The following SVIL variants were observed in gnomAD, a reference collection of about 807,000 sequenced individuals.
SVIL encodes the protein supervillin.
In SVIL, 101 loss-of-function variants were observed where a neutral mutation model predicts 240.4. The observed-to-expected ratio is 0.42, with a 90% CI of 0.36 to 0.50. The LOEUF (loss-of-function observed/expected upper bound fraction) is 0.50, where lower values mean the gene tolerates loss of function less well. Ranked by LOEUF, SVIL falls within the 20% of genes least tolerant of loss-of-function variation. SVIL has a pLI of 0.01. For synonymous variants in SVIL, 999 were observed against 1,100.0 expected (o/e 0.91, Z 1.82); for missense variants, 2,512 against 2,818.7 (o/e 0.89, Z 2.46).
chr10:29,699,696 T>C (rs1235118676), intron 1 of SVIL, among the ~76,000 whole-genome samples: 1 of 152,204 alleles, frequency 6.6e-6, no homozygotes, highest in Non-Finnish European at 1.5e-5. Flanking sequence ...TCTGCTCAAT[T>C]CTTTACTGAG....
intron 3 of SVIL, 101 bp from the exon 4 acceptor site, chr10:29,555,209 T>C: frequency 8.6e-7 from 1 of 1,156,316 alleles, no homozygotes; most frequent in East Asian, 2.6e-5. Flanking sequence ...ATTTCAGTTC[T>C]TGATTCCTAT....
Position 29,619,926 on chromosome 10 carries a change from C to T in SVIL, c.-201+14494G>A, listed in dbSNP as rs1300654627. 2.6e-5 allele frequency among the ~76,000 whole-genome samples: 4 copies of T among 152,114 alleles called. No individual in the cohort carries two copies. The South Asian group carries it at 8.3e-4, about 32-fold the overall frequency. ...TGTTACGCATACATAGGTACACATA[C>T]ATGTATAATACATACATACACAAAG... On this transcript the variant is annotated intron_variant, in intron 1 of 37. Coordinates refer to ENST00000355867, the MANE Select transcript of SVIL (RefSeq NM_021738.3).
intron 2 of SVIL, among the ~76,000 whole-genome samples, chr10:29,673,610 G>A (rs1012109060): frequency 6.9e-6 from 1 of 145,736 alleles, no homozygotes; most frequent in Non-Finnish European, 1.5e-5. Flanking sequence ...AGAGAGCTAG[G>A]GGGGAACTGC....
intron 1 of SVIL, among the ~76,000 whole-genome samples, chr10:29,715,407 G>A (rs1183700778): frequency 6.6e-6 from 1 of 152,204 alleles, no homozygotes; most frequent in Non-Finnish European, 1.5e-5. Context: ...TGATTGGTGT[G>A]AAAATGAAAC....
chr10:29,624,187 T>C (rs894552895), intron 1 of SVIL, among the ~76,000 whole-genome samples: 6 of 138,686 alleles, frequency 4.3e-5, no homozygotes, highest in Admixed American at 1.5e-4. Flanking sequence ...AAAAAACCCC[T>C]AGCATTTTCC....
intron 1 of SVIL, among the ~76,000 whole-genome samples, chr10:29,632,640 C>T (rs1432448326): frequency 6.6e-6 from 1 of 152,166 alleles, no homozygotes; most frequent in Non-Finnish European, 1.5e-5. Flanking sequence ...AGATAAAGAA[C>T]TGTTTGTTGA....
chr10:29,466,297 T>G (rs765235591), intron 33 of SVIL, among the ~76,000 whole-genome samples: 7 of 151,992 alleles, frequency 4.6e-5, no homozygotes, highest in Non-Finnish European at 8.8e-5. Flanking sequence ...TGTATATAAA[T>G]ATACATCTAT....
chr10:29,574,640 G>A (rs1955606796), intron 1 of SVIL, among the ~76,000 whole-genome samples: 1 of 152,142 alleles, frequency 6.6e-6, no homozygotes, highest in South Asian at 2.1e-4. Flanking sequence ...GAAGTGCCAG[G>A]CTGAAAATCC....
intron 1 of SVIL, among the ~76,000 whole-genome samples, chr10:29,578,409 T>G (rs12412955): frequency 0.12 from 18,710 of 152,188 alleles, 1,268 homozygotes; most frequent in Non-Finnish European, 0.15. Context: ...ATGGCGCCTA[T>G]GGCTCAAAAT....
intron 1 of SVIL, among the ~76,000 whole-genome samples, chr10:29,631,656 T>A (rs1205912667): frequency 6.6e-6 from 1 of 152,194 alleles, no homozygotes; most frequent in Non-Finnish European, 1.5e-5. Context: ...ACACCTGTAA[T>A]CCCAGCTACT....
chr10:29,480,966 G>C (rs1946764572), intron 28 of SVIL, among the ~76,000 whole-genome samples, 153 bp from the exon 29 acceptor site: 1 of 152,204 alleles, frequency 6.6e-6, no homozygotes, highest in South Asian at 2.1e-4. Context: ...GGGAAAGGCT[G>C]CATTTCCAGA....
intron 17 of SVIL, among the ~76,000 whole-genome samples, chr10:29,506,455 G>A (rs939564953): frequency 1.3e-5 from 2 of 152,042 alleles, no homozygotes; most frequent in South Asian, 2.1e-4. Context: ...AGATGACTAC[G>A]GGAGGACCCC....
chr10:29,614,528 G>A (rs537806597), intron 1 of SVIL, among the ~76,000 whole-genome samples: 252 of 152,240 alleles, frequency 1.7e-3, no homozygotes, highest in African/African-American at 5.8e-3. Context: ...GGATGAAGCT[G>A]GAAACCATCA....
At chr10:29,566,383 C>T (rs1308231519) in intron 2 of SVIL, among the ~76,000 whole-genome samples, 2 of 152,182 alleles carry the variant, frequency 1.3e-5, no homozygotes, top group South Asian at 2.1e-4. Flanking sequence ...CCCCTGCTCC[C>T]GCTAAATGAC....
At chr10:29,636,158 G>T (rs1958305155), upstream of SVIL, among the ~76,000 whole-genome samples, 1 of 150,578 alleles carries the variant, frequency 6.6e-6, no homozygotes, top group South Asian at 2.1e-4. Flanking sequence ...TTCATAGCAT[G>T]GCTTTTGCAT....
At chr10:29,479,310 C>T (rs903463825) in intron 29 of SVIL, among the ~76,000 whole-genome samples, 2 of 152,244 alleles carry the variant, frequency 1.3e-5, no homozygotes, top group Admixed American at 1.3e-4. Flanking sequence ...CAGCTCCACT[C>T]CCTGCTAGCT....
chr10:29,538,188 A>C (rs1311328194), intron 6 of SVIL, among the ~76,000 whole-genome samples: 1 of 152,224 alleles, frequency 6.6e-6, no homozygotes, highest in African/African-American at 2.4e-5. Context: ...AAAGAAGTGC[A>C]ATACAACTTT....
intron 12 of SVIL, among the ~76,000 whole-genome samples, chr10:29,528,237 A>C: frequency 6.6e-6 from 1 of 152,198 alleles, no homozygotes; most frequent in East Asian, 1.9e-4. Flanking sequence ...GAGTGCAAGG[A>C]TATACTTAGC....
intron 22 of SVIL, among the ~76,000 whole-genome samples, chr10:29,489,822 A>T (rs1160333695): frequency 6.6e-6 from 1 of 152,236 alleles, no homozygotes; most frequent in Non-Finnish European, 1.5e-5. Context: ...TGCTGGGATT[A>T]CAGGCATGAG....
Sources: allele counts gnomAD v4.1 joint callset (sites outside exome capture counted in the v4.1 genomes callset), GRCh38; gene constraint gnomAD v4.1.1; transcripts MANE v1.5; gene names NCBI Gene and HGNC (gene_info 2026-07-23, HGNC 2026-07-21).